Variants in PPP1CB observed in about 807,000 individuals in gnomAD.
PPP1CB encodes protein phosphatase 1 catalytic subunit beta.
In PPP1CB, 2 loss-of-function variants were observed where a neutral mutation model predicts 43.7. That is an observed-to-expected ratio of 0.05 (90% CI 0.02 to 0.14). PPP1CB has a LOEUF of 0.14. Ranked by LOEUF, PPP1CB falls within the 10% of genes least tolerant of loss-of-function variation. PPP1CB has a pLI of 1.00. For synonymous variants in PPP1CB, 136 were observed against 135.6 expected (o/e 1.00, Z -0.02); for missense variants, 84 against 398.0 (o/e 0.21, Z 6.71).
intron 1 of PPP1CB, among the ~76,000 whole-genome samples, chr2:28,759,349 C>CT (rs1441675142): frequency 6.6e-6 from 1 of 151,994 alleles, no homozygotes; most frequent in African/African-American, 2.4e-5. Flanking sequence ...AACCCCATCT[C>CT]TACTAAAAAT....
intron 2 of PPP1CB, 128 bp downstream of exon 2, chr2:28,777,110 G>A: frequency 3.0e-6 from 3 of 985,460 alleles, no homozygotes; most frequent in Non-Finnish European, 4.4e-6. Flanking sequence ...CTAAATAAAA[G>A]TGTATAAAAA....
intron 7 of PPP1CB, among the ~76,000 whole-genome samples, chr2:28,794,728 A>G (rs1008699124): frequency 2.0e-5 from 3 of 152,122 alleles, no homozygotes; most frequent in African/African-American, 7.2e-5. Flanking sequence ...AAAACTTTCA[A>G]AATAATACTA....
At chr2:28,766,084 C>T (rs1164592905) in intron 1 of PPP1CB, among the ~76,000 whole-genome samples, 6 of 151,924 alleles carry the variant, frequency 3.9e-5, no homozygotes, top group South Asian at 2.1e-4. Context: ...GAGGCTACCT[C>T]GAATTAAAAG....
intron 1 of PPP1CB, among the ~76,000 whole-genome samples, chr2:28,769,240 CTTTA>C (rs968277969): frequency 9.2e-5 from 14 of 152,188 alleles, no homozygotes; most frequent in African/African-American, 2.9e-4. Context: ...ACCTAGAATT[CTTTA>C]TTTATTTTGA....
intron 5 of PPP1CB, among the ~76,000 whole-genome samples, chr2:28,788,032 G>A (rs1175405508): frequency 8.7e-5 from 13 of 149,146 alleles, no homozygotes; most frequent in Non-Finnish European, 1.5e-4. Flanking sequence ...TTTTTTTTTC[G>A]CTCAAGTGAT....
chr2:28,758,919 C>T (rs1030924230), intron 1 of PPP1CB, among the ~76,000 whole-genome samples: 6 of 152,188 alleles, frequency 3.9e-5, no homozygotes, highest in African/African-American at 1.2e-4. Context: ...TAGCATATTT[C>T]ACCATAAAGG....
rs1293463252 is a variant in PPP1CB at position 28,800,645 on chromosome 2, A to C, written c.*1342A>C. On this transcript the variant is annotated 3_prime_UTR_variant, in exon 8 of 8. Transcript: ENST00000395366. ...AATGGCAATGAGTAGAAAAGTTAAC[A>C]TGAAGATTTTAGAAGGAGAGAACTT... 1 of 152,458 alleles carries C rather than the reference A, an allele frequency of 6.6e-6. No individual in the cohort carries two copies. Among genetic ancestry groups the C allele is most frequent in the Non-Finnish European group, 1.5e-5 (1 of 67,918 alleles). The allele number at this position is 152,458 out of a possible 1,614,324, so 9.4% of individuals were successfully genotyped here. A position where few individuals can be genotyped will look rare whatever the true frequency, so the allele number is the denominator to read the frequency against.
At chr2:28,768,205 C>G (rs1048050166) in intron 1 of PPP1CB, among the ~76,000 whole-genome samples, 4 of 152,252 alleles carry the variant, frequency 2.6e-5, no homozygotes, top group African/African-American at 9.6e-5. Flanking sequence ...GTGAGCTCAC[C>G]AGTCACCCTG....
At chr2:28,773,912 G>T (rs1393335705) in intron 1 of PPP1CB, among the ~76,000 whole-genome samples, 1 of 152,180 alleles carries the variant, frequency 6.6e-6, no homozygotes, top group African/African-American at 2.4e-5. Context: ...AAGTTGGTGG[G>T]GGGGGCTGCC....
In PPP1CB at chr2:28,801,437, T is replaced by C. The variant is rs1667613804; in HGVS notation, c.*2134T>C. 6.6e-6 allele frequency: 1 copy of C among 152,028 alleles called. No individual in the cohort carries two copies. The highest frequency in any genetic ancestry group is 2.4e-5 in the African/African-American group (1 of 41,416). The allele number at this position is 152,028 out of a possible 1,614,324, so 9.4% of individuals were successfully genotyped here. ...TATGTTGGTTAATAGGAATCCTTTT[T>C]TTTTTTTTTAAAGACTAAATGTGAA... On this transcript the variant is annotated 3_prime_UTR_variant, in exon 8 of 8. Coordinates refer to ENST00000395366, the MANE Select transcript of PPP1CB (RefSeq NM_002709.3).
intron 1 of PPP1CB, among the ~76,000 whole-genome samples, chr2:28,761,327 T>A (rs1666641947): frequency 6.6e-6 from 1 of 152,242 alleles, no homozygotes; most frequent in African/African-American, 2.4e-5. Flanking sequence ...TCCTGAATGA[T>A]AATCAGATGT....
Position 28,800,940 on chromosome 2 carries a change from A to T in PPP1CB, c.*1637A>T, listed in dbSNP as rs1477207486. 1 of 152,570 alleles carries T rather than the reference A, an allele frequency of 6.6e-6. No homozygotes were observed. The highest frequency in any genetic ancestry group is 2.4e-5 in the African/African-American group (1 of 41,456). 9.5% of individuals were successfully genotyped at this position (152,570 alleles called of 1,614,324 possible). On this transcript the variant is annotated 3_prime_UTR_variant, in exon 8 of 8. Coordinates refer to ENST00000395366, the MANE Select transcript of PPP1CB (RefSeq NM_002709.3). ...TATTTCATTTTCAGCACAGTGCAAA[A>T]GTTCTTTAAAATGCATATGTCTTTT... is the stretch of plus-strand genomic sequence containing the variant.
At chr2:28,772,184 T>G in intron 1 of PPP1CB, among the ~76,000 whole-genome samples, 1 of 152,008 alleles carries the variant, frequency 6.6e-6, no homozygotes, top group East Asian at 1.9e-4. Context: ...GGTGTGCACC[T>G]GTAATCCCAG....
At chr2:28,770,285 G>A (rs1203537184) in intron 1 of PPP1CB, among the ~76,000 whole-genome samples, 1 of 145,442 alleles carries the variant, frequency 6.9e-6, no homozygotes, top group Non-Finnish European at 1.5e-5. Flanking sequence ...AGCAAACATT[G>A]AAATTAATGC....
In PPP1CB at chr2:28,757,833, G is replaced by A. The variant is rs541795810; in HGVS notation, c.52+5657G>A. 1.0e-3 allele frequency among the ~76,000 whole-genome samples: 154 copies of A among 152,074 alleles called. 2 individuals are homozygous for A. The highest frequency in any genetic ancestry group is 1.6e-3 in the Non-Finnish European group (111 of 68,006). ...ATTTTGCTATCTGAATGCAGACCTG[G>A]AGCTTTTCTGGTAAATATCTAAATC... On this transcript the variant is annotated intron_variant, in intron 1 of 7. Transcript: ENST00000395366.
intron 1 of PPP1CB, among the ~76,000 whole-genome samples, chr2:28,754,785 G>A (rs1051599182): frequency 1.5e-4 from 23 of 152,190 alleles, no homozygotes; most frequent in African/African-American, 4.6e-4. Flanking sequence ...TGCCTAGCAA[G>A]AATAACTATG....
chr2:28,753,704 G>C (rs944141071), intron 1 of PPP1CB, among the ~76,000 whole-genome samples: 1 of 152,012 alleles, frequency 6.6e-6, no homozygotes, highest in Non-Finnish European at 1.5e-5. Flanking sequence ...TTTACATTTG[G>C]GAAGTAGAGG....
At chr2:28,776,754 T>C (rs1384489735) in intron 1 of PPP1CB, 97 bp from the exon 2 acceptor site, 4 of 1,163,832 alleles carry the variant, frequency 3.4e-6, no homozygotes, top group Non-Finnish European at 4.9e-6. Flanking sequence ...GCTGCCTGTG[T>C]GACTTTTCTG....
intron 4 of PPP1CB, 146 bp from the exon 5 acceptor site, chr2:28,783,757 GAAAA>G (rs11449670): frequency 6.3e-6 from 3 of 475,582 alleles, no homozygotes; most frequent in South Asian, 2.7e-5. Context: ...ATTCTGTCTC[GAAAA>G]AAAAAAAAGA....
Sources: allele counts gnomAD v4.1 joint callset (sites outside exome capture counted in the v4.1 genomes callset), GRCh38; gene constraint gnomAD v4.1.1; transcripts MANE v1.5; gene names NCBI Gene and HGNC (gene_info 2026-07-23, HGNC 2026-07-21).